DPY19L2: variants seen among roughly 807,000 people sequenced by gnomAD.
DPY19L2 encodes probable C-mannosyltransferase DPY19L2.
In DPY19L2, 34 loss-of-function variants were observed where a neutral mutation model predicts 97.9. The observed-to-expected ratio is 0.35, with a 90% CI of 0.26 to 0.46. The LOEUF (loss-of-function observed/expected upper bound fraction) is 0.46. DPY19L2 is among the 20% of genes least tolerant of loss of function. The probability of loss-of-function intolerance (pLI) is 1.00; values close to 1 mark genes in which losing one functional copy is unlikely to be tolerated. For missense variants in DPY19L2, 623 were observed against 911.4 expected (o/e 0.68, Z 4.07); for synonymous variants, 230 against 307.9 (o/e 0.75, Z 2.65).
chr12:63,651,558 A>C, intron 4 of DPY19L2: 1 of 202,182 alleles, frequency 4.9e-6, no homozygotes, highest in Non-Finnish European at 1.0e-5. Context: ...GTAAAAAAAA[A>C]CCCAAATAAA....
Position 63,594,147 on chromosome 12 carries a change from C to G in DPY19L2, c.1534-14G>C. 6.6e-7 allele frequency: 1 copy of G among 1,522,128 alleles called. No homozygotes were observed. 94.3% of individuals were successfully genotyped at this position (1,522,128 alleles called of 1,614,324 possible). Reference sequence around the variant, plus strand: ...ATCACGAACAGTCTGTGAATAGAATCAAATCAATGAAACTTTTGTAAGGAA... The same window carrying G: ...ATCACGAACAGTCTGTGAATAGAATGAAATCAATGAAACTTTTGTAAGGAA... On this transcript the variant is annotated splice_polypyrimidine_tract_variant and intron_variant, in intron 15 of 21. Transcript: ENST00000324472.
rs561619709 is a variant in DPY19L2, at chr12:63,568,724, G to C, written c.2126+500C>G. Among the ~76,000 whole-genome samples the C allele has an allele frequency of 2.0e-5, 3 of 152,040 alleles. No homozygotes were observed. In the East Asian group the frequency reaches 5.8e-4, roughly 29 times the overall value. On this transcript the variant is annotated intron_variant, in intron 21 of 21. Transcript: ENST00000324472. Reference sequence around the variant, plus strand: ...TCTGTGCTTAGGAGCCTAAACAAAGGCCTCATAAGATCAATTACACACCTT... The same window carrying C: ...TCTGTGCTTAGGAGCCTAAACAAAGCCCTCATAAGATCAATTACACACCTT...
chr12:63,583,719 A>G (rs182969291), intron 17 of DPY19L2, 93 bp downstream of exon 17: 2 of 1,219,050 alleles, frequency 1.6e-6, no homozygotes, highest in African/African-American at 3.0e-5. Context: ...TCACTACTGA[A>G]GGTGCATCAG....
intron 11 of DPY19L2, among the ~76,000 whole-genome samples, chr12:63,612,733 A>G (rs1319237370): frequency 6.6e-6 from 1 of 151,898 alleles, no homozygotes; most frequent in Non-Finnish European, 1.5e-5. Context: ...CAATGAAAAC[A>G]AAAGCTCGTT....
intron 7 of DPY19L2, among the ~76,000 whole-genome samples, chr12:63,626,243 A>G (rs924359049): frequency 2.6e-5 from 4 of 151,602 alleles, no homozygotes; most frequent in African/African-American, 9.7e-5. Flanking sequence ...GAATATATGT[A>G]TATGTATATA....
chr12:63,569,961 G>A (rs1878487538), intron 20 of DPY19L2, among the ~76,000 whole-genome samples: 1 of 152,046 alleles, frequency 6.6e-6, no homozygotes, highest in African/African-American at 2.4e-5. Flanking sequence ...CAAGCATATG[G>A]GATGCTCAGT....
intron 4 of DPY19L2, among the ~76,000 whole-genome samples, chr12:63,651,148 T>C (rs191233916): frequency 4.2e-4 from 64 of 152,172 alleles, no homozygotes; most frequent in African/African-American, 1.5e-3. Flanking sequence ...CACAAGTCAA[T>C]AGGAAAAAGG....
rs1876246721 is a variant in DPY19L2 at position 63,560,462 on chromosome 12, T to C, written c.*50A>G. ...TTAATGTGAATAAGCCAAAGGGTGATTGTTTTTGACACACGGCATTGTGCC... is the reference window on the plus strand; with the variant it reads ...TTAATGTGAATAAGCCAAAGGGTGACTGTTTTTGACACACGGCATTGTGCC... On this transcript the variant is annotated 3_prime_UTR_variant, in exon 22 of 22. Coordinates refer to ENST00000324472, the MANE Select transcript of DPY19L2 (RefSeq NM_173812.5). 2.5e-6 allele frequency: 4 copies of C among 1,581,214 alleles called. No homozygotes were observed. The highest frequency in any genetic ancestry group is 2.3e-5 in the East Asian group (1 of 44,270).
intron 3 of DPY19L2, among the ~76,000 whole-genome samples, chr12:63,662,794 T>A (rs181834768): frequency 7.2e-5 from 11 of 152,328 alleles, no homozygotes; most frequent in Non-Finnish European, 4.4e-5. Flanking sequence ...AGTTCAAATG[T>A]CATACATATG....
chr12:63,579,660 G>T (rs1257131180), intron 19 of DPY19L2, among the ~76,000 whole-genome samples: 1 of 152,138 alleles, frequency 6.6e-6, no homozygotes, highest in African/African-American at 2.4e-5. Flanking sequence ...AGGGGCAAGG[G>T]AGAGTAAAGA....
At position 63,668,125 on chromosome 12, in the gene DPY19L2, G is replaced by T; in HGVS notation, c.269C>A (p.Ala90Glu). Residue 90 changes from alanine to glutamate, a missense_variant, in exon 1 of 22, where the codon GCG (alanine) becomes GAG (glutamate). By Grantham distance (107) the Ala-to-Glu change is moderately radical. This residue lies in a region of DPY19L2 where 144 missense variants were observed against 119.4 expected (regional missense o/e 1.21). Transcript: ENST00000324472. ...GPFQFVRNSL[A>E]QLREKVQELQ... ...TTCCTGCACCTTTTCCCGGAGCTGC[G>T]CCAGGGAATTACGGACGAACTGGAA... 6.2e-7 allele frequency: 1 copy of T among 1,613,998 alleles called. No homozygotes were observed. Among genetic ancestry groups the T allele is most frequent in the South Asian group, 1.1e-5 (1 of 91,064 alleles).
intron 2 of DPY19L2, among the ~76,000 whole-genome samples, chr12:63,664,994 A>G (rs1391943581): frequency 3.3e-5 from 5 of 152,232 alleles, no homozygotes; most frequent in Non-Finnish European, 7.3e-5. Flanking sequence ...ACAGGTAAAA[A>G]TAAAATATTC....
At chr12:63,564,286 C>T (rs1877214096) in intron 21 of DPY19L2, among the ~76,000 whole-genome samples, 2 of 152,016 alleles carry the variant, frequency 1.3e-5, no homozygotes, top group South Asian at 2.1e-4. Context: ...TTGGAGTTTA[C>T]TTATTCTTTT....
chr12:63,664,817 C>T (rs953291653), intron 2 of DPY19L2, among the ~76,000 whole-genome samples: 6 of 152,140 alleles, frequency 3.9e-5, no homozygotes, highest in African/African-American at 1.2e-4. Flanking sequence ...CCCTTCTTTA[C>T]ATGTAGGCCA....
intron 21 of DPY19L2, among the ~76,000 whole-genome samples, chr12:63,561,212 G>A (rs1474609465): frequency 1.3e-5 from 2 of 152,102 alleles, no homozygotes; most frequent in African/African-American, 2.4e-5. Context: ...AATCCTGCAT[G>A]GCAGTCATTA....
chr12:63,633,457 GA>G (rs985235842), intron 6 of DPY19L2, among the ~76,000 whole-genome samples: 21 of 152,236 alleles, frequency 1.4e-4, no homozygotes, highest in Admixed American at 7.8e-4. Flanking sequence ...ATAGACACAC[GA>G]AAAAATGCTC....
chr12:63,569,061 A>G (rs1194157953), intron 21 of DPY19L2, among the ~76,000 whole-genome samples, 163 bp downstream of exon 21: 1 of 152,046 alleles, frequency 6.6e-6, no homozygotes, highest in Non-Finnish European at 1.5e-5. Context: ...CATTGATAGT[A>G]TAGTTTTATG....
At chr12:63,653,624 A>G (rs1442494035) in intron 4 of DPY19L2, among the ~76,000 whole-genome samples, 2 of 152,138 alleles carry the variant, frequency 1.3e-5, no homozygotes, top group African/African-American at 4.8e-5. Flanking sequence ...ATATATGGCA[A>G]AAGTTATAAA....
intron 9 of DPY19L2, among the ~76,000 whole-genome samples, chr12:63,620,683 A>T (rs1888547984): frequency 6.6e-6 from 1 of 152,144 alleles, no homozygotes; most frequent in African/African-American, 2.4e-5. Context: ...GGAAACAACC[A>T]AGTACATCTT....
Sources: allele counts gnomAD v4.1 joint callset (sites outside exome capture counted in the v4.1 genomes callset), GRCh38; gene constraint gnomAD v4.1.1; regional missense constraint gnomAD v4.1.1; transcripts MANE v1.5; gene names NCBI Gene and HGNC (gene_info 2026-07-23, HGNC 2026-07-21).